Variants in ZDHHC5 observed in about 807,000 individuals in gnomAD.
The protein encoded by ZDHHC5 is palmitoyltransferase ZDHHC5.
Under a neutral mutation model 70.0 loss-of-function variants are expected in ZDHHC5, and 22 were observed. The ratio of observed to expected loss-of-function variants is 0.31; its 90% CI spans 0.22 to 0.45. The LOEUF is 0.45. Among genes scored for constraint, ZDHHC5 ranks in the 20% least tolerant of loss-of-function variants. ZDHHC5 has a pLI of 1.00. For synonymous variants in ZDHHC5, 313 were observed against 347.8 expected, an observed-to-expected ratio of 0.90 and a Z score of 1.11; for missense variants, 746 against 926.9, an observed-to-expected ratio of 0.80 and a Z score of 2.53.
rs779688142 is a variant in ZDHHC5 at position 57,682,419 on chromosome 11, C to T, written c.105-3C>T. 209 of 1,608,584 alleles carry T rather than the reference C, an allele frequency of 1.3e-4. 1 individual carries two copies. The highest frequency in any genetic ancestry group is 1.7e-4 in the Non-Finnish European group (199 of 1,177,474). On this transcript the variant is annotated splice_polypyrimidine_tract_variant and splice_region_variant and intron_variant, in intron 2 of 11. Transcript: ENST00000287169. ...CCCCTCATTTTCTTTATTGTCTGTG[C>T]AGGTGTCCAGGACTAAGCCTGTATG...
intron 2 of ZDHHC5, among the ~76,000 whole-genome samples, chr11:57,679,444 G>A (rs562946892): frequency 6.5e-4 from 99 of 152,254 alleles, no homozygotes; most frequent in Non-Finnish European, 8.8e-5. Context: ...TTACAGGCGT[G>A]AGCCACCATA....
chr11:57,674,302 T>G (rs1216109783), intron 2 of ZDHHC5, among the ~76,000 whole-genome samples: 1 of 150,454 alleles, frequency 6.6e-6, no homozygotes, highest in Non-Finnish European at 1.5e-5. Context: ...ATTTAAACCT[T>G]CCCTTTTTCC....
At chr11:57,698,461 T>C in intron 10 of ZDHHC5, 98 bp from the exon 11 acceptor site, 1 of 1,468,346 alleles carries the variant, frequency 6.8e-7, no homozygotes, top group Non-Finnish European at 9.1e-7. Flanking sequence ...AAGCTTATTA[T>C]TGGCACATAA....
chr11:57,682,295 G>C, intron 2 of ZDHHC5, 127 bp from the exon 3 acceptor site: 1 of 1,277,206 alleles, frequency 7.8e-7, no homozygotes, highest in South Asian at 1.7e-5. Context: ...AATAATTTGG[G>C]ATGGCAAAGG....
At chr11:57,694,695 A>G (rs1946327285) in intron 8 of ZDHHC5, among the ~76,000 whole-genome samples, 2 of 152,188 alleles carry the variant, frequency 1.3e-5, no homozygotes, top group African/African-American at 4.8e-5. Context: ...AACAATAGAA[A>G]ATGAATTCAT....
Position 57,672,094 on chromosome 11 carries a change from A to C in ZDHHC5, c.-997A>C, listed in dbSNP as rs565515330. The C allele has an allele frequency of 3.3e-5, 13 of 394,582 alleles. No individual in the cohort carries two copies. In the South Asian group the frequency reaches 1.9e-3, roughly 56 times the overall value. The allele number at this position is 394,582 out of a possible 1,614,324, so 24.4% of individuals were successfully genotyped here. On this transcript the variant is annotated 5_prime_UTR_variant, in exon 2 of 12. Coordinates refer to ENST00000287169, the MANE Select transcript of ZDHHC5 (RefSeq NM_015457.3). ...TGAAGAAAGATAAGAGACATTGACT[A>C]GTCTGGAAACAGGGACATCTTTGGA...
chr11:57,695,987 C>T lies in ZDHHC5; in HGVS notation c.953C>T (p.Pro318Leu). ...GCTGAACCTCCACCTCCTCCTAAGCCAGACCTGAGCCGTTACACAGGGTTG... is the reference window on the plus strand; with the variant it reads ...GCTGAACCTCCACCTCCTCCTAAGCTAGACCTGAGCCGTTACACAGGGTTG... ...ADAEPPPPPK[P>L]DLSRYTGLRT... is the part of the protein sequence containing the mutation. Residue 318 changes from proline (P) to leucine (L), a missense_variant, in exon 9 of 12, where the codon CCA becomes CTA. Pro to Leu is a moderately conservative substitution (Grantham distance 98, BLOSUM62 -3). Around this residue, in one of 6 missense-constraint regions of ZDHHC5, gnomAD observed 179 missense variants for 178.4 expected, o/e 1.00. Coordinates refer to ENST00000287169, the MANE Select transcript of ZDHHC5 (RefSeq NM_015457.3). 6.2e-7 allele frequency: 1 copy of T among 1,614,102 alleles called. No individual in the cohort carries two copies. The highest frequency in any genetic ancestry group is 8.5e-7 in the Non-Finnish European group (1 of 1,180,034).
At chr11:57,679,748 A>G (rs1946124182) in intron 2 of ZDHHC5, among the ~76,000 whole-genome samples, 1 of 152,092 alleles carries the variant, frequency 6.6e-6, no homozygotes, top group African/African-American at 2.4e-5. Context: ...AAAGTACCAT[A>G]GCAACGGAAA....
intron 10 of ZDHHC5, among the ~76,000 whole-genome samples, chr11:57,698,140 CACACACACAA>C (rs1181209121): frequency 2.6e-5 from 4 of 151,698 alleles, no homozygotes; most frequent in Non-Finnish European, 5.9e-5. Flanking sequence ...CACACACACA[CACACACACAA>C]ACAAATGCCA....
At chr11:57,699,821 T>A in intron 11 of ZDHHC5, 45 bp from the exon 12 acceptor site, 2 of 1,612,242 alleles carry the variant, frequency 1.2e-6, no homozygotes, top group Non-Finnish European at 1.7e-6. Flanking sequence ...TTCCAATGTT[T>A]TCTGTCCCAT....
Position 57,691,950 on chromosome 11 carries a change from A to G in ZDHHC5, c.661-661A>G, listed in dbSNP as rs140244073. On this transcript the variant is annotated intron_variant, in intron 6 of 11. Coordinates refer to ENST00000287169, the MANE Select transcript of ZDHHC5 (RefSeq NM_015457.3). ...TTATAGTGCTGCTTACAGGAAAGCAATGATTTTTGTGCATATAATAGTAGC... is the reference window on the plus strand; with the variant it reads ...TTATAGTGCTGCTTACAGGAAAGCAGTGATTTTTGTGCATATAATAGTAGC... 8.5e-5 allele frequency among the ~76,000 whole-genome samples: 13 copies of G among 152,244 alleles called. No individual in the cohort carries two copies. The East Asian group carries it at 1.3e-3, about 16-fold the overall frequency.
At chr11:57,698,112 G>T (rs1283409807) in intron 10 of ZDHHC5, among the ~76,000 whole-genome samples, 2 of 114,958 alleles carry the variant, frequency 1.7e-5, no homozygotes, top group African/African-American at 9.0e-5. Context: ...TCCAGCCTGG[G>T]CTTAAAACAC....
chr11:57,699,470 C>T, intron 11 of ZDHHC5, 52 bp downstream of exon 11: 3 of 1,513,714 alleles, frequency 2.0e-6, no homozygotes, highest in Non-Finnish European at 2.6e-6. Context: ...TAGCATACTG[C>T]TCTGCAAAAG....
Position 57,672,760 on chromosome 11 carries a change from C to G in ZDHHC5, c.-331C>G, listed in dbSNP as rs963988888. On this transcript the variant is annotated 5_prime_UTR_variant, in exon 2 of 12. Coordinates refer to ENST00000287169, the MANE Select transcript of ZDHHC5 (RefSeq NM_015457.3). ...CTGTCTGACTGTCCATGTTTTCCAC[C>G]TGCAACCATTTGCATGTGTACAGCC... 1.2e-5 allele frequency: 3 copies of G among 243,034 alleles called. No homozygotes were observed. Among genetic ancestry groups the G allele is most frequent in the Non-Finnish European group, 2.4e-5 (3 of 124,356 alleles). 15.1% of individuals were successfully genotyped at this position (243,034 alleles called of 1,614,324 possible).
rs80150286 is a variant in ZDHHC5, at chr11:57,670,999, A to C, written c.-1070-1022A>C. ...TGTATTTTTAGTAGAGAAGGGAATA[A>C]AACTACTTTCTTTTAAAATTCTAAC... On this transcript the variant is annotated intron_variant, in intron 1 of 11. Transcript: ENST00000287169. 7.6e-3 allele frequency among the ~76,000 whole-genome samples: 1,163 copies of C among 152,104 alleles called. 14 individuals are homozygous for C. Among genetic ancestry groups the C allele is most frequent in the African/African-American group, 0.027 (1,121 of 41,460 alleles).
intron 3 of ZDHHC5, among the ~76,000 whole-genome samples, chr11:57,686,915 C>T (rs1946214850): frequency 6.6e-6 from 1 of 151,346 alleles, no homozygotes; most frequent in Admixed American, 6.6e-5. Context: ...ACTGCAACCT[C>T]TGCCTCCCAG....
At chr11:57,676,006 A>G (rs931565638) in intron 2 of ZDHHC5, among the ~76,000 whole-genome samples, 1 of 152,226 alleles carries the variant, frequency 6.6e-6, no homozygotes, top group African/African-American at 2.4e-5. Flanking sequence ...GGCTACAACT[A>G]GCTACATTAT....
intron 11 of ZDHHC5, 54 bp downstream of exon 11, chr11:57,699,472 C>G: frequency 6.6e-7 from 1 of 1,512,244 alleles, no homozygotes; most frequent in Non-Finnish European, 8.8e-7. Context: ...GCATACTGCT[C>G]TGCAAAAGCT....
At chr11:57,670,402 C>T (rs897923006) in intron 1 of ZDHHC5, among the ~76,000 whole-genome samples, 2 of 150,850 alleles carry the variant, frequency 1.3e-5, no homozygotes, top group Non-Finnish European at 1.5e-5. Context: ...ATCCGGGACT[C>T]GGAGGTTGCA....
Sources: allele counts gnomAD v4.1 joint callset (sites outside exome capture counted in the v4.1 genomes callset), GRCh38; gene constraint gnomAD v4.1.1; regional missense constraint gnomAD v4.1.1; transcripts MANE v1.5; gene names NCBI Gene and HGNC (gene_info 2026-07-23, HGNC 2026-07-21).